Variants in ST8SIA1 observed in about 807,000 individuals in gnomAD.
ST8SIA1 encodes the protein ST8 alpha-N-acetyl-neuraminide alpha-2,8-sialyltransferase 1.
Under a neutral mutation model 35.9 loss-of-function variants are expected in ST8SIA1, and 16 were observed. The ratio of observed to expected loss-of-function variants is 0.45; its 90% CI spans 0.30 to 0.68. ST8SIA1 has a LOEUF of 0.68. Among genes scored for constraint, ST8SIA1 ranks in the 30% least tolerant of loss-of-function variants. ST8SIA1 has a pLI of 0.09. For missense variants in ST8SIA1, 383 were observed against 453.6 expected, an observed-to-expected ratio of 0.84 and a Z score of 1.41; for synonymous variants, 170 against 169.6, an observed-to-expected ratio of 1.00 and a Z score of -0.02.
At chr12:22,213,447 C>T (rs1865197380) in intron 4 of ST8SIA1, among the ~76,000 whole-genome samples, 2 of 152,006 alleles carry the variant, frequency 1.3e-5, no homozygotes, top group African/African-American at 2.4e-5. Context: ...CCTAGACTGG[C>T]GATGTTGCTA....
intron 1 of ST8SIA1, among the ~76,000 whole-genome samples, chr12:22,297,866 G>A (rs1866266304): frequency 6.6e-6 from 1 of 152,102 alleles, no homozygotes; most frequent in Non-Finnish European, 1.5e-5. Flanking sequence ...GAGACCCCTA[G>A]GTAGATTCAG....
chr12:22,238,171 C>CA (rs1865496981), intron 4 of ST8SIA1, among the ~76,000 whole-genome samples: 1 of 149,744 alleles, frequency 6.7e-6, no homozygotes, highest in South Asian at 2.1e-4. Context: ...ACTCCCCCCC[C>CA]AACAAGAGGT....
intron 1 of ST8SIA1, chr12:22,325,848 T>C (rs1171721071): frequency 2.0e-5 from 14 of 701,552 alleles, no homozygotes; most frequent in Non-Finnish European, 2.6e-6. Context: ...AAAATCGGTG[T>C]TCCTTGAACA....
At chr12:22,278,002 T>TC (rs1436789966) in intron 2 of ST8SIA1, among the ~76,000 whole-genome samples, 2 of 152,168 alleles carry the variant, frequency 1.3e-5, no homozygotes, top group Non-Finnish European at 2.9e-5. Context: ...CACTATTATT[T>TC]CCCCAGGAAC....
rs575628307 is a variant in ST8SIA1, at chr12:22,221,175, C to A, written c.585-19137G>T. Among the ~76,000 whole-genome samples the A allele has an allele frequency of 1.9e-4, 29 of 152,152 alleles. 2 individuals are homozygous for A. The South Asian group carries it at 5.6e-3, about 29-fold the overall frequency. On this transcript the variant is annotated intron_variant, in intron 4 of 4. Transcript: ENST00000396037. ...TTATTTCAGACACCTACCTTGCCCA[C>A]CAGCAATACCACTACCCTAACTTTC...
rs969472621 is a variant in ST8SIA1, at chr12:22,198,174, C to G, written c.*3378G>C. The G allele has an allele frequency of 6.6e-6, 1 of 152,034 alleles. No homozygotes were observed. The highest frequency in any genetic ancestry group is 2.4e-5 in the African/African-American group (1 of 41,398). 9.4% of individuals were successfully genotyped at this position (152,034 alleles called of 1,614,324 possible). The stretch of plus-strand genomic sequence containing the variant: ...CTTCCTTTTGCCCCTATGGATCAGC[C>G]TAATTTTTATGACTACACAACAATT... On this transcript the variant is annotated 3_prime_UTR_variant, in exon 5 of 5. Transcript: ENST00000396037.
At chr12:22,254,346 A>G (rs976263968) in intron 3 of ST8SIA1, among the ~76,000 whole-genome samples, 8 of 151,978 alleles carry the variant, frequency 5.3e-5, no homozygotes, top group Non-Finnish European at 1.2e-4. Context: ...CTTCATTCAT[A>G]GCCAGGAGCC....
At chr12:22,314,716 G>A (rs756416387) in intron 1 of ST8SIA1, among the ~76,000 whole-genome samples, 7 of 151,968 alleles carry the variant, frequency 4.6e-5, no homozygotes, top group Non-Finnish European at 8.8e-5. Context: ...CCCATTCTAT[G>A]CCATTCCCAT....
At position 22,196,364 on chromosome 12, in the gene ST8SIA1, C is replaced by T. The variant is rs1402334871; in HGVS notation, c.*5188G>A. 6.6e-6 allele frequency: 1 copy of T among 152,112 alleles called. No individual in the cohort carries two copies. Among genetic ancestry groups the T allele is most frequent in the Non-Finnish European group, 1.5e-5 (1 of 68,034 alleles). The allele number at this position is 152,112 out of a possible 1,614,324, so 9.4% of individuals were successfully genotyped here. A position where few individuals can be genotyped will look rare whatever the true frequency, so the allele number is the denominator to read the frequency against. On this transcript the variant is annotated 3_prime_UTR_variant, in exon 5 of 5. Transcript: ENST00000396037. ...TGTTTCAATAAGCTTTTCATTCATG[C>T]ACTTGTTTCAATCTCTCACCCCTAA...
intron 1 of ST8SIA1, among the ~76,000 whole-genome samples, chr12:22,321,010 GAA>G (rs1271904665): frequency 0.21 from 18,526 of 86,312 alleles, 2,008 homozygotes; most frequent in Middle Eastern, 0.36. Flanking sequence ...AAAGAAGAAA[GAA>G]AGAAAGAAAG....
intron 1 of ST8SIA1, among the ~76,000 whole-genome samples, chr12:22,305,261 T>A (rs545045079): frequency 6.6e-6 from 1 of 152,106 alleles, no homozygotes; most frequent in East Asian, 1.9e-4. Flanking sequence ...GAAAAAAGGA[T>A]AGACTAGTCA....
intron 4 of ST8SIA1, among the ~76,000 whole-genome samples, chr12:22,233,656 C>CA (rs562417311): frequency 2.1e-3 from 310 of 146,870 alleles, no homozygotes; most frequent in African/African-American, 6.5e-3. Context: ...AACTACTTCT[C>CA]AAAAAAAAAA....
chr12:22,231,623 G>C (rs1055336069), intron 4 of ST8SIA1, among the ~76,000 whole-genome samples: 4 of 151,798 alleles, frequency 2.6e-5, no homozygotes, highest in African/African-American at 4.8e-5. Flanking sequence ...ACCCAGGCTA[G>C]AGTGCAGTGG....
chr12:22,332,734 C>G (rs1365742477), intron 1 of ST8SIA1, among the ~76,000 whole-genome samples: 1 of 152,134 alleles, frequency 6.6e-6, no homozygotes, highest in African/African-American at 2.4e-5. Flanking sequence ...AATCCTCTTT[C>G]CAGGAGGAGG....
chr12:22,268,749 G>C (rs1865877541), intron 2 of ST8SIA1: 1 of 152,160 alleles, frequency 6.6e-6, no homozygotes, highest in Non-Finnish European at 1.5e-5. Context: ...CATTCCACCT[G>C]GTCCCTCCCT....
intron 1 of ST8SIA1, among the ~76,000 whole-genome samples, chr12:22,301,633 A>G (rs11830582): frequency 0.13 from 19,112 of 152,216 alleles, 1,513 homozygotes; most frequent in South Asian, 0.31. Context: ...GGAGAAACTG[A>G]TTATTTTACC....
intron 4 of ST8SIA1, among the ~76,000 whole-genome samples, chr12:22,214,307 T>G (rs1488624403): frequency 6.6e-6 from 1 of 152,136 alleles, no homozygotes; most frequent in East Asian, 1.9e-4. Flanking sequence ...GATTTTGCAA[T>G]ATGAGAGTCA....
intron 3 of ST8SIA1, 67 bp from the exon 4 acceptor site, chr12:22,249,165 C>T: frequency 1.0e-6 from 1 of 965,332 alleles, no homozygotes; most frequent in Non-Finnish European, 1.6e-6. Context: ...TAGAATAATA[C>T]AAATAGAAAT....
chr12:22,328,445 T>C (rs1268149378), intron 1 of ST8SIA1, among the ~76,000 whole-genome samples: 2 of 152,196 alleles, frequency 1.3e-5, no homozygotes, highest in African/African-American at 4.8e-5. Flanking sequence ...GCACTCATAT[T>C]TTTAATACAT....
Sources: allele counts gnomAD v4.1 joint callset (sites outside exome capture counted in the v4.1 genomes callset), GRCh38; gene constraint gnomAD v4.1.1; transcripts MANE v1.5; gene names NCBI Gene and HGNC (gene_info 2026-07-23, HGNC 2026-07-21).